ROBO1: variants seen among roughly 807,000 people sequenced by gnomAD.
The protein encoded by ROBO1 is roundabout homolog 1.
Under a neutral mutation model 195.9 loss-of-function variants are expected in ROBO1, and 149 were observed. The ratio of observed to expected loss-of-function variants is 0.76; its 90% CI spans 0.67 to 0.87. The LOEUF is 0.87. ROBO1 is among the 40% of genes least tolerant of loss of function. ROBO1 has a pLI of 0.00. For missense variants in ROBO1, 1,933 were observed against 2,068.3 expected (o/e 0.93, Z 1.27); for synonymous variants, 816 against 733.2 (o/e 1.11, Z -1.82).
chr3:78,903,231 C>T lies in ROBO1; in HGVS notation c.499+35370G>A, dbSNP rs150152501. On this transcript the variant is annotated intron_variant, in intron 4 of 30. Coordinates refer to ENST00000464233, the MANE Select transcript of ROBO1 (RefSeq NM_002941.4). ...GTGCATTTTTAATCCTTTTTTGCAA[C>T]TTCAAATGCCACACACATCCTATAC... Among the ~76,000 whole-genome samples the T allele has an allele frequency of 4.7e-3, 722 of 152,056 alleles. 5 individuals are homozygous for T. The highest frequency in any genetic ancestry group is 0.016 in the African/African-American group (657 of 41,506).
At chr3:79,364,690 T>C (rs1246171377) in intron 2 of ROBO1, among the ~76,000 whole-genome samples, 1 of 152,176 alleles carries the variant, frequency 6.6e-6, no homozygotes, top group Non-Finnish European at 1.5e-5. Flanking sequence ...ATATTTTTGG[T>C]CCTTTGTGGT....
chr3:79,351,397 G>C (rs1233198997), intron 2 of ROBO1, among the ~76,000 whole-genome samples: 1 of 152,044 alleles, frequency 6.6e-6, no homozygotes, highest in Non-Finnish European at 1.5e-5. Flanking sequence ...CAAACACTCA[G>C]ATTTAACTTG....
At chr3:78,947,380 C>T (rs1026765305) in intron 3 of ROBO1, among the ~76,000 whole-genome samples, 1 of 152,138 alleles carries the variant, frequency 6.6e-6, no homozygotes, top group African/African-American at 2.4e-5. Context: ...CACTCAAAAC[C>T]GCTCAACTAC....
intron 1 of ROBO1, among the ~76,000 whole-genome samples, chr3:79,747,661 T>C (rs939861981): frequency 3.9e-5 from 6 of 152,010 alleles, no homozygotes; most frequent in African/African-American, 1.2e-4. Flanking sequence ...AGGTGTAACA[T>C]AGTCACCCCA....
rs72899851 is a variant in ROBO1 at position 79,718,957 on chromosome 3, G to A, written c.-51+48795C>T. Among the ~76,000 whole-genome samples, 1,117 of 152,118 alleles carry A rather than the reference G, an allele frequency of 7.3e-3. 12 individuals are homozygous for A. Among genetic ancestry groups the A allele is most frequent in the African/African-American group, 0.025 (1,046 of 41,530 alleles). On this transcript the variant is annotated intron_variant, in intron 1 of 30. Coordinates refer to ENST00000464233, the MANE Select transcript of ROBO1 (RefSeq NM_002941.4). ...TTGTTGAACTAAAAGAAATACTTAAGCAGAAGGTATCTGTAGAGAAAGAGT... is the reference window on the plus strand; with the variant it reads ...TTGTTGAACTAAAAGAAATACTTAAACAGAAGGTATCTGTAGAGAAAGAGT...
intron 1 of ROBO1, among the ~76,000 whole-genome samples, chr3:79,599,859 T>C (rs1272183602): frequency 1.3e-5 from 2 of 152,168 alleles, no homozygotes; most frequent in African/African-American, 4.8e-5. Flanking sequence ...TAAAAAATGA[T>C]CTAATGAAAA....
At chr3:79,399,687 A>T (rs2037290331) in intron 2 of ROBO1, among the ~76,000 whole-genome samples, 1 of 152,170 alleles carries the variant, frequency 6.6e-6, no homozygotes. Context: ...ATTTCCTTAA[A>T]AACATCAAGA....
intron 4 of ROBO1, among the ~76,000 whole-genome samples, chr3:78,773,712 A>T (rs947690101): frequency 2.0e-5 from 3 of 152,108 alleles, no homozygotes; most frequent in African/African-American, 7.2e-5. Flanking sequence ...AATCCCCAAA[A>T]CTCATCCTTT....
intron 2 of ROBO1, chr3:79,526,618 T>C (rs936122810): frequency 6.6e-6 from 1 of 152,214 alleles, no homozygotes; most frequent in African/African-American, 2.4e-5. Context: ...CTTATTTACA[T>C]CTTGTAAAGG....
chr3:79,316,875 T>C (rs989051221), intron 2 of ROBO1, among the ~76,000 whole-genome samples: 1 of 152,238 alleles, frequency 6.6e-6, no homozygotes, highest in African/African-American at 2.4e-5. Context: ...TCATAGAACA[T>C]TGTCATTATT....
chr3:79,017,170 T>G (rs2077964486), intron 3 of ROBO1, among the ~76,000 whole-genome samples: 1 of 152,214 alleles, frequency 6.6e-6, no homozygotes, highest in Non-Finnish European at 1.5e-5. Context: ...TCCTTGTAAC[T>G]TTCAGCCAGC....
At chr3:79,658,431 A>G (rs1946233697) in intron 1 of ROBO1, among the ~76,000 whole-genome samples, 1 of 152,084 alleles carries the variant, frequency 6.6e-6, no homozygotes, top group Admixed American at 6.6e-5. Flanking sequence ...TTCCTATGAC[A>G]TTAAAGTAGT....
intron 2 of ROBO1, among the ~76,000 whole-genome samples, chr3:79,558,831 T>A (rs1488627341): frequency 1.3e-5 from 2 of 152,206 alleles, no homozygotes; most frequent in African/African-American, 4.8e-5. Context: ...CATAGCTGCA[T>A]AATATATCTT....
At chr3:78,946,074 T>A (rs977662983) in intron 3 of ROBO1, among the ~76,000 whole-genome samples, 19 of 151,904 alleles carry the variant, frequency 1.3e-4, no homozygotes, top group Non-Finnish European at 7.4e-5. Context: ...ATGGGGAGAA[T>A]GGAACCAAGT....
intron 14 of ROBO1, among the ~76,000 whole-genome samples, chr3:78,667,331 T>C (rs1320227227): frequency 6.6e-6 from 1 of 152,168 alleles, no homozygotes; most frequent in Non-Finnish European, 1.5e-5. Flanking sequence ...GGTATTTTGA[T>C]ATAGGCATAC....
chr3:79,099,980 G>T (rs2079645806), intron 3 of ROBO1, among the ~76,000 whole-genome samples: 1 of 151,730 alleles, frequency 6.6e-6, no homozygotes, highest in Non-Finnish European at 1.5e-5. Flanking sequence ...CTCTATTCTG[G>T]GCTGCTGGGT....
At chr3:79,140,275 G>T (rs544483070) in intron 2 of ROBO1, among the ~76,000 whole-genome samples, 3 of 152,012 alleles carry the variant, frequency 2.0e-5, no homozygotes, top group Non-Finnish European at 4.4e-5. Flanking sequence ...CACATGTTTT[G>T]TTAAATTCAG....
chr3:79,722,948 C>T (rs888369136), intron 1 of ROBO1, among the ~76,000 whole-genome samples: 4 of 152,064 alleles, frequency 2.6e-5, no homozygotes, highest in Non-Finnish European at 4.4e-5. Flanking sequence ...AGGTACTGCT[C>T]AACAGTATTG....
At chr3:79,354,191 C>G (rs908216082) in intron 2 of ROBO1, among the ~76,000 whole-genome samples, 7 of 152,098 alleles carry the variant, frequency 4.6e-5, no homozygotes, top group African/African-American at 1.7e-4. Context: ...GAGGACTTGC[C>G]AAGTACCAAG....
Sources: allele counts gnomAD v4.1 joint callset (sites outside exome capture counted in the v4.1 genomes callset), GRCh38; gene constraint gnomAD v4.1.1; transcripts MANE v1.5; gene names NCBI Gene and HGNC (gene_info 2026-07-23, HGNC 2026-07-21).